The following NALF1 variants were observed in gnomAD, a reference collection of about 807,000 sequenced individuals.
The protein encoded by NALF1 is NALCN channel auxiliary factor 1.
A neutral mutation model predicts 48.4 loss-of-function variants in NALF1; 3 were observed. That is an observed-to-expected ratio of 0.06 (90% CI 0.03 to 0.16). The LOEUF (loss-of-function observed/expected upper bound fraction) is 0.16. Ranked by LOEUF, NALF1 falls within the 10% of genes least tolerant of loss-of-function variation. NALF1 has a pLI of 1.00. For synonymous variants in NALF1, 262 were observed against 245.7 expected, an observed-to-expected ratio of 1.07 and a Z score of -0.62; for missense variants, 526 against 571.5, an observed-to-expected ratio of 0.92 and a Z score of 0.81.
intron 1 of NALF1, among the ~76,000 whole-genome samples, chr13:107,341,171 CA>C (rs1882673621): frequency 6.6e-6 from 1 of 151,948 alleles, no homozygotes; most frequent in African/African-American, 2.4e-5. Flanking sequence ...TTGACAAACA[CA>C]GGAGATGTCT....
intron 1 of NALF1, among the ~76,000 whole-genome samples, chr13:107,279,618 A>G (rs1241077357): frequency 6.6e-6 from 1 of 152,042 alleles, no homozygotes; most frequent in Admixed American, 6.6e-5. Flanking sequence ...CTCTCTTCAT[A>G]CTTGCATCAT....
chr13:107,841,915 T>C (rs1291297830), intron 1 of NALF1, among the ~76,000 whole-genome samples: 1 of 152,012 alleles, frequency 6.6e-6, no homozygotes, highest in Non-Finnish European at 1.5e-5. Context: ...ATTACTATTA[T>C]TTTAGAAATA....
intron 1 of NALF1, among the ~76,000 whole-genome samples, chr13:107,863,562 G>A (rs746491068): frequency 6.6e-5 from 10 of 152,160 alleles, no homozygotes; most frequent in Admixed American, 2.0e-4. Context: ...CCATTGCGGT[G>A]ATAAGAAATC....
chr13:107,437,910 T>A (rs1884489094), intron 1 of NALF1, among the ~76,000 whole-genome samples: 1 of 152,142 alleles, frequency 6.6e-6, no homozygotes, highest in South Asian at 2.1e-4. Flanking sequence ...TTTGAAGCAT[T>A]TATTGGTGAA....
intron 1 of NALF1, among the ~76,000 whole-genome samples, chr13:107,364,717 T>C (rs895896686): frequency 4.6e-5 from 7 of 152,092 alleles, no homozygotes; most frequent in Non-Finnish European, 8.8e-5. Context: ...CACCTTAAAG[T>C]TAAAGGATCT....
At chr13:107,791,729 T>C (rs1878240042) in intron 1 of NALF1, among the ~76,000 whole-genome samples, 1 of 152,014 alleles carries the variant, frequency 6.6e-6, no homozygotes, top group Non-Finnish European at 1.5e-5. Flanking sequence ...GGCAGGTGGA[T>C]CACTTGAGGT....
intron 1 of NALF1, among the ~76,000 whole-genome samples, chr13:107,579,112 G>A (rs966895044): frequency 3.9e-5 from 6 of 152,056 alleles, no homozygotes; most frequent in African/African-American, 1.4e-4. Context: ...GTTTTTTTGA[G>A]ACAGAGTCTC....
At chr13:107,796,308 T>A (rs559998048) in intron 1 of NALF1, among the ~76,000 whole-genome samples, 105 of 152,334 alleles carry the variant, frequency 6.9e-4, no homozygotes, top group African/African-American at 2.5e-3. Flanking sequence ...TCAACATTTA[T>A]CTTTTATTTT....
chr13:107,866,297 C>T lies in NALF1; in HGVS notation c.300G>A (p.Glu100=), dbSNP rs866823993. The T allele has an allele frequency of 2.5e-6, 4 of 1,605,510 alleles. No individual in the cohort carries two copies. In the Middle Eastern group the frequency reaches 5.6e-4, roughly 223 times the overall value. ...TCGCCAGGAGCGCGGGCCAGGAGGGCTCCTGCTGCCGCCGCTGCTGCTGCT... is the reference window on the plus strand; with the variant it reads ...TCGCCAGGAGCGCGGGCCAGGAGGGTTCCTGCTGCCGCCGCTGCTGCTGCT... ...QQQQQQRRQQ[E]PSWPALLASM... is the part of the protein sequence containing the mutation. Residue 100 remains glutamate (E), a synonymous_variant, in exon 1 of 3, where the codon GAG becomes GAA. Transcript: ENST00000375915. The surrounding 1 kb of genome is among the most constrained non-coding windows in gnomAD (Gnocchi z 4.4).
At chr13:107,818,536 G>A (rs1879243825) in intron 1 of NALF1, among the ~76,000 whole-genome samples, 1 of 152,070 alleles carries the variant, frequency 6.6e-6, no homozygotes, top group South Asian at 2.1e-4. Flanking sequence ...TGTAGAGTTG[G>A]AGTTGCCTGT....
chr13:107,233,094 TA>T (rs202166397), intron 1 of NALF1, among the ~76,000 whole-genome samples: 4,136 of 152,332 alleles, frequency 0.027, 77 homozygotes, highest in Non-Finnish European at 0.038. Context: ...GGGAAGCTTT[TA>T]ATTCTATGCA....
At position 107,407,237 on chromosome 13, in the gene NALF1, G is replaced by A. The variant is rs550280748; in HGVS notation, c.916-196482C>T. Among the ~76,000 whole-genome samples the A allele has an allele frequency of 2.6e-5, 4 of 151,960 alleles. No homozygotes were observed. In the South Asian group the frequency reaches 8.3e-4, roughly 32 times the overall value. The stretch of plus-strand genomic sequence containing the variant: ...CTTGTGTCATACCCCGCAAGCACAA[G>A]TAACAAAAGCAAAAATGAACAAATG... On this transcript the variant is annotated intron_variant, in intron 1 of 2. Coordinates refer to ENST00000375915, the MANE Select transcript of NALF1 (RefSeq NM_001080396.3).
intron 1 of NALF1, among the ~76,000 whole-genome samples, chr13:107,516,392 C>G (rs1876052423): frequency 6.6e-6 from 1 of 152,162 alleles, no homozygotes; most frequent in Admixed American, 6.6e-5. Flanking sequence ...ACCATATTAA[C>G]AATCAACCAA....
intron 1 of NALF1, among the ~76,000 whole-genome samples, chr13:107,517,802 A>G (rs962764847): frequency 1.3e-5 from 2 of 152,046 alleles, no homozygotes; most frequent in South Asian, 2.1e-4. Context: ...AAAAAATACA[A>G]AAGTTAGCCA....
At chr13:107,339,138 GAA>G (rs3072810) in intron 1 of NALF1, among the ~76,000 whole-genome samples, 67,812 of 121,334 alleles carry the variant, frequency 0.56, 20,692 homozygotes, top group Non-Finnish European at 0.71. Context: ...TGTCTCAGAA[GAA>G]AAAAAAAAAA....
intron 1 of NALF1, among the ~76,000 whole-genome samples, chr13:107,304,918 A>G (rs1165207679): frequency 2.6e-5 from 4 of 152,354 alleles, no homozygotes; most frequent in African/African-American, 7.2e-5. Flanking sequence ...AATAAATGCA[A>G]AAGTCTTAGG....
Position 107,350,089 on chromosome 13 carries a change from A to T in NALF1, c.916-139334T>A, listed in dbSNP as rs1432095582. Among the ~76,000 whole-genome samples, 3 of 152,182 alleles carry T rather than the reference A, an allele frequency of 2.0e-5. No homozygotes were observed. The East Asian group carries it at 5.8e-4, about 29-fold the overall frequency. On this transcript the variant is annotated intron_variant, in intron 1 of 2. Coordinates refer to ENST00000375915, the MANE Select transcript of NALF1 (RefSeq NM_001080396.3). Reference sequence around the variant, plus strand: ...TGTAGCCACTGATCTGACGGGAGGCAGAGCTCAGGCGGTAATGCTCCATAG... The same window carrying T: ...TGTAGCCACTGATCTGACGGGAGGCTGAGCTCAGGCGGTAATGCTCCATAG...
chr13:107,325,157 A>C (rs1290383409), intron 1 of NALF1, among the ~76,000 whole-genome samples: 3 of 152,238 alleles, frequency 2.0e-5, no homozygotes, highest in South Asian at 2.1e-4. Context: ...ATTAGGACAC[A>C]ACCATTTACT....
At chr13:107,335,991 G>A (rs1191277729) in intron 1 of NALF1, among the ~76,000 whole-genome samples, 2 of 152,038 alleles carry the variant, frequency 1.3e-5, no homozygotes, top group Non-Finnish European at 2.9e-5. Context: ...TCAGGGAACT[G>A]TGAAGTGATG....
Sources: gnomAD v4.1 joint callset for allele counts (sites outside exome capture counted in the v4.1 genomes callset) on GRCh38, gnomAD v4.1.1 for gene constraint, Gnocchi (gnomAD v3.1) non-coding constraint, MANE v1.5 for transcripts, NCBI Gene and HGNC (gene_info 2026-07-23, HGNC 2026-07-21) for gene names.